Variants in MCU observed in about 807,000 individuals in gnomAD.
MCU encodes calcium uniporter protein, mitochondrial.
In MCU, 12 loss-of-function variants were observed where a neutral mutation model predicts 45.2. That is an observed-to-expected ratio of 0.27 (90% confidence interval 0.17 to 0.43). The LOEUF is 0.43. Among genes scored for constraint, MCU ranks in the 20% least tolerant of loss-of-function variants. The probability of loss-of-function intolerance (pLI) is 1.00; values close to 1 mark genes in which losing one functional copy is unlikely to be tolerated. For synonymous variants in MCU, 160 were observed against 165.1 expected (o/e 0.97, Z 0.24); for missense variants, 324 against 436.7 (o/e 0.74, Z 2.30).
intron 1 of MCU, among the ~76,000 whole-genome samples, chr10:72,763,816 G>GT (rs1003060016): frequency 2.7e-4 from 41 of 152,088 alleles, no homozygotes; most frequent in African/African-American, 9.9e-4. Context: ...AGCTGATTAA[G>GT]TTTTTGGCTT....
intron 1 of MCU, among the ~76,000 whole-genome samples, chr10:72,792,100 C>T (rs1432316892): frequency 6.6e-6 from 1 of 152,108 alleles, no homozygotes; most frequent in Admixed American, 6.6e-5. Flanking sequence ...ACCAGATATC[C>T]ACACACATTT....
chr10:72,794,713 A>G (rs943100930), intron 1 of MCU, among the ~76,000 whole-genome samples: 3 of 152,146 alleles, frequency 2.0e-5, no homozygotes, highest in African/African-American at 4.8e-5. Flanking sequence ...AAGCCTCTCT[A>G]CCTTGAGCTC....
At chr10:72,872,495 A>G (rs1187156249) in intron 6 of MCU, among the ~76,000 whole-genome samples, 1 of 152,192 alleles carries the variant, frequency 6.6e-6, no homozygotes, top group Non-Finnish European at 1.5e-5. Flanking sequence ...TAGCTCCCAC[A>G]TATGAGTGAG....
At chr10:72,722,933 A>T (rs1291724926) in intron 1 of MCU, among the ~76,000 whole-genome samples, 1 of 152,110 alleles carries the variant, frequency 6.6e-6, no homozygotes, top group Non-Finnish European at 1.5e-5. Context: ...GTGGTGGCTC[A>T]CGCCTGTAAT....
At chr10:72,863,440 G>A (rs1589502594) in intron 4 of MCU, among the ~76,000 whole-genome samples, 1 of 152,156 alleles carries the variant, frequency 6.6e-6, no homozygotes, top group East Asian at 1.9e-4. Context: ...CTAGCTGGGA[G>A]AAAGTATAGA....
intron 1 of MCU, among the ~76,000 whole-genome samples, chr10:72,696,624 G>A (rs569738481): frequency 3.3e-5 from 5 of 152,162 alleles, no homozygotes; most frequent in East Asian, 1.9e-4. Context: ...TTATTTGTGG[G>A]CATCTAATCT....
At chr10:72,862,420 C>T (rs1845393126) in intron 4 of MCU, among the ~76,000 whole-genome samples, 1 of 152,124 alleles carries the variant, frequency 6.6e-6, no homozygotes, top group Non-Finnish European at 1.5e-5. Context: ...GCACCAGGGA[C>T]CAGTTTTGTT....
intron 1 of MCU, among the ~76,000 whole-genome samples, chr10:72,710,204 C>T (rs922235345): frequency 6.6e-6 from 1 of 152,140 alleles, no homozygotes; most frequent in African/African-American, 2.4e-5. Flanking sequence ...TCTTGATCTC[C>T]TGACCTCGTG....
chr10:72,749,547 A>G (rs189529031), intron 1 of MCU, among the ~76,000 whole-genome samples: 1 of 152,288 alleles, frequency 6.6e-6, no homozygotes, highest in East Asian at 1.9e-4. Flanking sequence ...TGTGTTTGTA[A>G]GGACTGCTTT....
intron 1 of MCU, among the ~76,000 whole-genome samples, chr10:72,797,102 C>T (rs1460101991): frequency 1.3e-5 from 2 of 151,928 alleles, no homozygotes; most frequent in Non-Finnish European, 2.9e-5. Flanking sequence ...TAAGTAGCCT[C>T]ATTATTTTTG....
chr10:72,740,322 T>C (rs1589439203), intron 1 of MCU, among the ~76,000 whole-genome samples: 1 of 149,992 alleles, frequency 6.7e-6, no homozygotes, highest in African/African-American at 2.5e-5. Flanking sequence ...GAGATTGCAG[T>C]GAGCCAAGAT....
chr10:72,724,466 G>C (rs1843070042), intron 1 of MCU, among the ~76,000 whole-genome samples: 1 of 152,106 alleles, frequency 6.6e-6, no homozygotes, highest in African/African-American at 2.4e-5. Context: ...GTATATTAGG[G>C]AAACTAATCC....
intron 1 of MCU, among the ~76,000 whole-genome samples, chr10:72,718,550 A>C (rs538417825): frequency 1.3e-5 from 2 of 152,344 alleles, no homozygotes; most frequent in East Asian, 3.9e-4. Context: ...ATGAAGATTT[A>C]AAAATATTTA....
intron 2 of MCU, among the ~76,000 whole-genome samples, chr10:72,839,771 G>T (rs1845019016): frequency 6.7e-6 from 1 of 149,328 alleles, no homozygotes. Flanking sequence ...GGCTAACACG[G>T]TAAAACCCTG....
At chr10:72,770,377 T>G (rs1406374973) in intron 1 of MCU, among the ~76,000 whole-genome samples, 2 of 152,172 alleles carry the variant, frequency 1.3e-5, no homozygotes, top group Non-Finnish European at 2.9e-5. Flanking sequence ...ATATACATCT[T>G]AATTTACCAA....
At chr10:72,833,393 C>T (rs952505990) in intron 1 of MCU, among the ~76,000 whole-genome samples, 1 of 152,158 alleles carries the variant, frequency 6.6e-6, no homozygotes, top group Non-Finnish European at 1.5e-5. Flanking sequence ...TCTTACATTT[C>T]TGCATGCTCT....
intron 1 of MCU, among the ~76,000 whole-genome samples, chr10:72,698,088 A>T (rs1589421366): frequency 6.6e-6 from 1 of 152,166 alleles, no homozygotes. Flanking sequence ...GCACAAAATC[A>T]TGCTTATTTT....
intron 2 of MCU, among the ~76,000 whole-genome samples, chr10:72,856,936 C>CAA (rs71021541): frequency 4.8e-4 from 38 of 79,644 alleles, no homozygotes; most frequent in African/African-American, 1.8e-3. Context: ...CAAGATGTCT[C>CAA]AAAAAAAAAA....
chr10:72,808,842 C>G (rs1844495079), intron 1 of MCU, among the ~76,000 whole-genome samples: 1 of 152,124 alleles, frequency 6.6e-6, no homozygotes, highest in South Asian at 2.1e-4. Context: ...CGTGAGAACT[C>G]ACTCACTCTC....
Sources: allele counts gnomAD v4.1 joint callset (sites outside exome capture counted in the v4.1 genomes callset), GRCh38; gene constraint gnomAD v4.1.1; transcripts MANE v1.5; gene names NCBI Gene and HGNC (gene_info 2026-07-23, HGNC 2026-07-21).